CUBN: variants seen among roughly 807,000 people sequenced by gnomAD.
CUBN encodes cubilin, also known as 460 kDa receptor.
In CUBN, 282 loss-of-function variants were observed where a neutral mutation model predicts 405.3. The observed-to-expected ratio is 0.70, with a 90% CI of 0.63 to 0.77. The LOEUF (loss-of-function observed/expected upper bound fraction) is 0.77, where lower values mean the gene tolerates loss of function less well. CUBN is among the 30% of genes least tolerant of loss of function. The pLI is 0.00. For missense variants in CUBN, 4,514 were observed against 4,475.2 expected (o/e 1.01, Z -0.25); for synonymous variants, 1,684 against 1,617.0 (o/e 1.04, Z -0.99).
intron 43 of CUBN, among the ~76,000 whole-genome samples, chr10:16,924,861 C>T (rs1317817407): frequency 6.6e-6 from 1 of 151,934 alleles, no homozygotes; most frequent in Non-Finnish European, 1.5e-5. Flanking sequence ...CAAAATAAGG[C>T]AAATGTAAGT....
intron 27 of CUBN, among the ~76,000 whole-genome samples, chr10:17,029,182 T>C (rs1834735941): frequency 1.3e-5 from 2 of 152,222 alleles, no homozygotes; most frequent in South Asian, 2.1e-4. Context: ...AGAGTTTCTT[T>C]TGAATCTGAG....
rs780847 is a variant in CUBN, at chr10:16,888,280, A to T, written c.8905+137T>A. ...CTCTCCCCACAAAAAGTGCTAAGTAAGTGAGTGAGCAGACATGTTAATTAA... is the reference window on the plus strand; with the variant it reads ...CTCTCCCCACAAAAAGTGCTAAGTATGTGAGTGAGCAGACATGTTAATTAA... On this transcript the variant is annotated intron_variant, in intron 56 of 66. Transcript: ENST00000377833. 560,728 of 723,014 alleles carry T rather than the reference A, an allele frequency of 0.78. 218,129 individuals are homozygous for T. Among genetic ancestry groups the T allele is most frequent in the South Asian group, 0.82 (50,362 of 61,366 alleles). The allele number at this position is 723,014 out of a possible 1,614,324, so 44.8% of individuals were successfully genotyped here.
At chr10:17,037,029 A>G (rs990544742) in intron 27 of CUBN, among the ~76,000 whole-genome samples, 8 of 152,272 alleles carry the variant, frequency 5.3e-5, no homozygotes, top group Non-Finnish European at 1.2e-4. Context: ...TTCTCACCTA[A>G]CGAATGGGGA....
At chr10:17,119,478 G>A (rs1836985124) in intron 6 of CUBN, among the ~76,000 whole-genome samples, 1 of 152,116 alleles carries the variant, frequency 6.6e-6, no homozygotes, top group Admixed American at 6.5e-5. Flanking sequence ...TGGCCAACAT[G>A]GTGAAACCCC....
chr10:17,050,244 G>T (rs974288405), intron 22 of CUBN, among the ~76,000 whole-genome samples: 3 of 151,986 alleles, frequency 2.0e-5, no homozygotes, highest in African/African-American at 7.3e-5. Context: ...TAAACTAGCT[G>T]CTCTCCTTAA....
rs1245046529 is a variant in CUBN at position 16,919,995 on chromosome 10, A to G, written c.6789T>C (p.Phe2263=). ...APPETRIQLQ[F]EDRFDIEVTP... is the part of the protein sequence containing the mutation. The stretch of plus-strand genomic sequence containing the variant: ...TTACTTCAATATCGAATCGATCTTC[A>G]AATTGCAGCTGTATGCGTGTTTCCG... Residue 2263 remains phenylalanine, a synonymous_variant, in exon 44 of 67, where the codon TTT becomes TTC. Transcript: ENST00000377833. 1.9e-6 allele frequency: 3 copies of G among 1,613,878 alleles called. No homozygotes were observed. In the South Asian group the frequency reaches 3.3e-5, roughly 18 times the overall value.
At chr10:17,029,477 CTT>C in intron 27 of CUBN, among the ~76,000 whole-genome samples, 1 of 152,358 alleles carries the variant, frequency 6.6e-6, no homozygotes, top group East Asian at 1.9e-4. Context: ...AATGGATATA[CTT>C]CATTCTAAAC....
Position 16,947,232 on chromosome 10 carries a change from T to C in CUBN, c.5342+3A>G. On this transcript the variant is annotated splice_donor_region_variant and intron_variant, in intron 36 of 66. Coordinates refer to ENST00000377833, the MANE Select transcript of CUBN (RefSeq NM_001081.4). ...AAACAATACACCATAAAAAAGGATT[T>C]ACATAAAAGACAGCTGGAGCCGGTT... 1 of 1,614,002 alleles carries C rather than the reference T, an allele frequency of 6.2e-7. No homozygotes were observed. The highest frequency in any genetic ancestry group is 1.1e-5 in the South Asian group (1 of 91,082).
chr10:16,998,667 G>A (rs538561751), intron 28 of CUBN, among the ~76,000 whole-genome samples: 5 of 152,268 alleles, frequency 3.3e-5, no homozygotes, highest in African/African-American at 7.2e-5. Flanking sequence ...CTATTTGTGT[G>A]GTATTCAAGG....
chr10:16,849,121 G>T (rs1268284645), intron 60 of CUBN, among the ~76,000 whole-genome samples: 1 of 152,090 alleles, frequency 6.6e-6, no homozygotes, highest in Non-Finnish European at 1.5e-5. Context: ...TTAAATGGTT[G>T]TCATCCAGTG....
At chr10:16,984,624 A>G (rs1833368158) in intron 29 of CUBN, among the ~76,000 whole-genome samples, 1 of 152,180 alleles carries the variant, frequency 6.6e-6, no homozygotes, top group South Asian at 2.1e-4. Context: ...CAGAAACATT[A>G]CAGATCATAC....
At chr10:17,122,329 G>A (rs12414206) in intron 6 of CUBN, 14,608 of 246,536 alleles carry the variant, frequency 0.059, 724 homozygotes, top group East Asian at 0.22. Context: ...ACCTCGTTAT[G>A]GTCACATTTT....
chr10:17,018,628 C>T (rs779509634), intron 28 of CUBN, among the ~76,000 whole-genome samples: 1 of 152,182 alleles, frequency 6.6e-6, no homozygotes, highest in East Asian at 1.9e-4. Flanking sequence ...TGGGTTGCCG[C>T]TGCTGGCTAG....
At chr10:16,905,188 T>C (rs531606155) in intron 50 of CUBN, among the ~76,000 whole-genome samples, 256 of 152,300 alleles carry the variant, frequency 1.7e-3, no homozygotes, top group African/African-American at 5.9e-3. Flanking sequence ...ACGTACTATT[T>C]ACAATATTAT....
chr10:16,826,435 A>C, intron 66 of CUBN, among the ~76,000 whole-genome samples: 2 of 152,332 alleles, frequency 1.3e-5, no homozygotes, highest in Middle Eastern at 3.4e-3. Context: ...TATTAGTAAA[A>C]TATTACAACT....
At chr10:16,828,020 G>C (rs1379854458) in intron 66 of CUBN, among the ~76,000 whole-genome samples, 1 of 152,162 alleles carries the variant, frequency 6.6e-6, no homozygotes, top group Non-Finnish European at 1.5e-5. Context: ...CAAACTATCG[G>C]TCACCATTTC....
At position 17,047,413 on chromosome 10, in the gene CUBN, C is replaced by T. The variant is rs1205598688; in HGVS notation, c.3329+1G>A. ...ATAATGAAATAAATAAAAGTGCTGA[C>T]CTGATTTCCAGAAAATCTGTATAAT... On this transcript the variant is annotated splice_donor_variant, in intron 23 of 66. Coordinates refer to ENST00000377833, the MANE Select transcript of CUBN (RefSeq NM_001081.4). LOFTEE classifies it high-confidence loss of function. 5 of 1,604,822 alleles carry T rather than the reference C, an allele frequency of 3.1e-6. No homozygotes were observed. Among genetic ancestry groups the T allele is most frequent in the Non-Finnish European group, 4.3e-6 (5 of 1,171,870 alleles).
intron 28 of CUBN, among the ~76,000 whole-genome samples, chr10:16,999,820 C>G (rs978408345): frequency 6.6e-6 from 1 of 152,228 alleles, no homozygotes; most frequent in Non-Finnish European, 1.5e-5. Flanking sequence ...CAGGGAAAAG[C>G]TCAAAGAGCC....
intron 36 of CUBN, 140 bp from the exon 37 acceptor site, chr10:16,940,377 A>C: frequency 2.4e-6 from 2 of 821,470 alleles, no homozygotes; most frequent in Non-Finnish European, 3.9e-6. Flanking sequence ...TGGCTGTCTC[A>C]AAAAATTTCT....
Sources: allele counts gnomAD v4.1 joint callset (sites outside exome capture counted in the v4.1 genomes callset), GRCh38; gene constraint gnomAD v4.1.1; transcripts MANE v1.5; gene names NCBI Gene and HGNC (gene_info 2026-07-23, HGNC 2026-07-21).